The following FARS2 variants were observed in gnomAD, a reference collection of about 807,000 sequenced individuals.
The protein encoded by FARS2 is phenylalanyl-tRNA synthetase 2, mitochondrial, also known as phenylalanine--tRNA ligase, mitochondrial.
In FARS2, 40 loss-of-function variants were observed where a neutral mutation model predicts 46.4. The observed-to-expected ratio is 0.86, with a 90% confidence interval of 0.67 to 1.12. FARS2 has a LOEUF of 1.12. Ranked by LOEUF, FARS2 falls within the 50% of genes most tolerant of loss-of-function variation. FARS2 has a pLI of 0.00. For synonymous variants in FARS2, 234 were observed against 214.9 expected (o/e 1.09, Z -0.78); for missense variants, 513 against 567.9 (o/e 0.90, Z 0.98).
At chr6:5,609,207 G>T (rs9392701) in intron 5 of FARS2, 136,783 of 1,176,308 alleles carry the variant, frequency 0.12, 12,652 homozygotes, top group East Asian at 0.51. Context: ...TCTCCTCTCC[G>T]GCTAAGCTTT....
intron 6 of FARS2, among the ~76,000 whole-genome samples, chr6:5,730,969 A>T (rs966500245): frequency 6.6e-6 from 1 of 152,198 alleles, no homozygotes. Flanking sequence ...TAGAGCTGGG[A>T]CACAGACCCA....
chr6:5,719,442 G>GAGAGAAAGAGAGAAAGAGAGAAAGAA (rs140806785), intron 6 of FARS2, among the ~76,000 whole-genome samples: 157 of 144,670 alleles, frequency 1.1e-3, no homozygotes, highest in Non-Finnish European at 1.8e-3. Flanking sequence ...AGGAAAGAAA[G>GAGAGAAAGAGAGAAAGAGAGAAAGAA]AGAGAAAGAG....
At chr6:5,719,534 A>G (rs1292589664) in intron 6 of FARS2, among the ~76,000 whole-genome samples, 3 of 152,162 alleles carry the variant, frequency 2.0e-5, no homozygotes, top group Non-Finnish European at 4.4e-5. Flanking sequence ...GGGATTTTGA[A>G]AGCGGGAGAC....
intron 6 of FARS2, among the ~76,000 whole-genome samples, chr6:5,748,580 A>G (rs1475246638): frequency 6.6e-6 from 1 of 152,252 alleles, no homozygotes; most frequent in African/African-American, 2.4e-5. Flanking sequence ...ATACCAGACA[A>G]TTGCTAAGTG....
intron 5 of FARS2, among the ~76,000 whole-genome samples, chr6:5,546,401 C>A (rs1771001034): frequency 1.3e-5 from 2 of 151,576 alleles, no homozygotes; most frequent in Non-Finnish European, 2.9e-5. Flanking sequence ...CAGGCGCCCA[C>A]CACTACGCCC....
chr6:5,635,273 C>T (rs2150728139), intron 6 of FARS2, among the ~76,000 whole-genome samples: 1 of 152,290 alleles, frequency 6.6e-6, no homozygotes, highest in East Asian at 1.9e-4. Context: ...AAACAAAGAA[C>T]AGCCAAGTTT....
intron 6 of FARS2, among the ~76,000 whole-genome samples, chr6:5,688,107 C>T (rs1285391537): frequency 3.3e-5 from 5 of 152,302 alleles, no homozygotes; most frequent in South Asian, 2.1e-4. Context: ...TGGGCTGAGA[C>T]GATGGGATTT....
intron 6 of FARS2, among the ~76,000 whole-genome samples, chr6:5,636,254 G>A (rs1017518803): frequency 2.0e-5 from 3 of 152,218 alleles, no homozygotes; most frequent in African/African-American, 7.2e-5. Context: ...TTCCCTCTAT[G>A]TGATAGCAGG....
Position 5,689,002 on chromosome 6 carries a change from G to A in FARS2, c.1217+75682G>A, listed in dbSNP as rs1757473748. Among the ~76,000 whole-genome samples the A allele has an allele frequency of 2.0e-5, 3 of 152,314 alleles. No individual in the cohort carries two copies. The South Asian group carries it at 6.2e-4, about 32-fold the overall frequency. On this transcript the variant is annotated intron_variant, in intron 6 of 6. Transcript: ENST00000274680. The stretch of plus-strand genomic sequence containing the variant: ...GTTTATTTGCATAGAGGTGTTTATA[G>A]TATTCTCTGATGGTAGTTTGTATTT...
chr6:5,620,855 G>A (rs374403437), intron 6 of FARS2, among the ~76,000 whole-genome samples: 18 of 152,234 alleles, frequency 1.2e-4, no homozygotes, highest in Admixed American at 3.9e-4. Flanking sequence ...AGTTAGCCAC[G>A]TGGGTCAGGT....
At chr6:5,391,588 T>A (rs1256047445) in intron 2 of FARS2, among the ~76,000 whole-genome samples, 1 of 151,930 alleles carries the variant, frequency 6.6e-6, no homozygotes, top group African/African-American at 2.4e-5. Context: ...TTTTAATGGC[T>A]GGTATAAAAA....
chr6:5,329,282 T>C (rs1473992207), intron 1 of FARS2, among the ~76,000 whole-genome samples: 5 of 152,234 alleles, frequency 3.3e-5, no homozygotes, highest in African/African-American at 1.2e-4. Flanking sequence ...CTTTATCTTA[T>C]TCAGTTTCTC....
chr6:5,741,340 G>A (rs1761324374), intron 6 of FARS2, among the ~76,000 whole-genome samples: 1 of 152,210 alleles, frequency 6.6e-6, no homozygotes, highest in African/African-American at 2.4e-5. Context: ...GGAATGGAGA[G>A]CATTGGTCAT....
At position 5,630,336 on chromosome 6, in the gene FARS2, A is replaced by G. The variant is rs898754204; in HGVS notation, c.1217+17016A>G. On this transcript the variant is annotated intron_variant, in intron 6 of 6. Coordinates refer to ENST00000274680, the MANE Select transcript of FARS2 (RefSeq NM_006567.5). This position sits in a 1 kb window ranked among gnomAD's most constrained non-coding sequence, Gnocchi z 4.2. ...TCATCAGAAAACAAGCGCAGACCAC[A>G]TGGATTTGACAATGAGTAGTCTTCT... Among the ~76,000 whole-genome samples the G allele has an allele frequency of 6.6e-6, 1 of 152,230 alleles. No individual in the cohort carries two copies. The highest frequency in any genetic ancestry group is 2.4e-5 in the African/African-American group (1 of 41,450).
chr6:5,694,900 G>C (rs1758004047), intron 6 of FARS2: 1 of 152,074 alleles, frequency 6.6e-6, no homozygotes, highest in Admixed American at 6.5e-5. Context: ...CTGGCCATTG[G>C]GGAGGCTAAG....
intron 5 of FARS2, among the ~76,000 whole-genome samples, chr6:5,545,888 G>T (rs1037581789): frequency 1.3e-5 from 2 of 152,150 alleles, no homozygotes; most frequent in African/African-American, 4.8e-5. Context: ...AGCACTTTGG[G>T]AGGCCAAGAC....
chr6:5,448,273 C>T (rs992569692), intron 4 of FARS2, among the ~76,000 whole-genome samples: 6 of 152,220 alleles, frequency 3.9e-5, no homozygotes, highest in Admixed American at 2.0e-4. Context: ...GAAGGGAGTC[C>T]GCCTCTTCAT....
At chr6:5,257,371 C>T (rs577605824), upstream of FARS2, among the ~76,000 whole-genome samples, 1 of 152,304 alleles carries the variant, frequency 6.6e-6, no homozygotes, top group South Asian at 2.1e-4. Context: ...TTCTAGATTC[C>T]ACACCTTGTA....
intron 6 of FARS2, among the ~76,000 whole-genome samples, chr6:5,678,805 A>C (rs895696013): frequency 3.3e-5 from 5 of 152,156 alleles, no homozygotes; most frequent in Non-Finnish European, 5.9e-5. Context: ...TATGATAAAT[A>C]ATTCATTTTC....
Sources: allele counts gnomAD v4.1 joint callset (sites outside exome capture counted in the v4.1 genomes callset), GRCh38; gene constraint gnomAD v4.1.1; non-coding constraint Gnocchi (gnomAD v3.1); transcripts MANE v1.5; gene names NCBI Gene and HGNC (gene_info 2026-07-23, HGNC 2026-07-21).